SEC11A: variants seen among roughly 807,000 people sequenced by gnomAD.
The protein encoded by SEC11A is signal peptidase complex catalytic subunit SEC11A.
In SEC11A, 14 loss-of-function variants were observed where a neutral mutation model predicts 25.6. The ratio of observed to expected loss-of-function variants is 0.55; its 90% CI spans 0.36 to 0.85. SEC11A has a LOEUF of 0.85. Among genes scored for constraint, SEC11A ranks in the 40% least tolerant of loss-of-function variants. The pLI, the probability that SEC11A is intolerant of heterozygous loss-of-function variation, is 0.01. For missense variants in SEC11A, 153 were observed against 222.9 expected (o/e 0.69, Z 2.00); for synonymous variants, 83 against 76.4 (o/e 1.09, Z -0.45).
At chr15:84,707,225 C>T (rs891056679) in intron 1 of SEC11A, among the ~76,000 whole-genome samples, 4 of 124,552 alleles carry the variant, frequency 3.2e-5, no homozygotes, top group African/African-American at 9.5e-5. Flanking sequence ...CTTGCTCTGT[C>T]GCCAGCCTGG....
chr15:84,673,119 T>C (rs1029931347), intron 4 of SEC11A: 11 of 163,230 alleles, frequency 6.7e-5, no homozygotes, highest in Non-Finnish European at 9.0e-5. Flanking sequence ...AGCCACCCCG[T>C]CCGGGAGGGA....
chr15:84,692,011 ACTTTTT>A (rs1224361779), intron 1 of SEC11A: 2 of 142,910 alleles, frequency 1.4e-5, no homozygotes, highest in African/African-American at 5.4e-5. Context: ...CTCCTCTATT[ACTTTTT>A]CTTTTTCTTT....
At chr15:84,683,945 A>G (rs1017388353) in intron 3 of SEC11A, among the ~76,000 whole-genome samples, 3 of 152,248 alleles carry the variant, frequency 2.0e-5, no homozygotes, top group South Asian at 4.1e-4. Context: ...ATTTAATATT[A>G]TCTACTTCTA....
chr15:84,710,183 AT>A (rs1191960446), intron 1 of SEC11A, among the ~76,000 whole-genome samples: 1 of 152,250 alleles, frequency 6.6e-6, no homozygotes, highest in East Asian at 1.9e-4. Flanking sequence ...GTGCTGAAAC[AT>A]TTTAAGAGAA....
At chr15:84,699,334 A>AC (rs1567041614) in intron 1 of SEC11A, among the ~76,000 whole-genome samples, 1 of 151,592 alleles carries the variant, frequency 6.6e-6, no homozygotes, top group African/African-American at 2.4e-5. Context: ...AAAAAAAAAA[A>AC]ACCAGGAAAC....
At chr15:84,678,456 G>A (rs1159743829) in intron 4 of SEC11A, among the ~76,000 whole-genome samples, 1 of 151,946 alleles carries the variant, frequency 6.6e-6, no homozygotes, top group African/African-American at 2.4e-5. Flanking sequence ...TAAAAAAGCT[G>A]GAAACAATCA....
At chr15:84,710,050 C>G (rs1314099497) in intron 1 of SEC11A, among the ~76,000 whole-genome samples, 1 of 152,060 alleles carries the variant, frequency 6.6e-6, no homozygotes. Flanking sequence ...GGTATTTTAA[C>G]TTTTGTAAAA....
At chr15:84,689,642 T>C (rs904879837) in intron 2 of SEC11A, among the ~76,000 whole-genome samples, 6 of 151,060 alleles carry the variant, frequency 4.0e-5, no homozygotes, top group African/African-American at 1.5e-4. Context: ...AAAATTTCAA[T>C]TGTCACCCAG....
At chr15:84,695,600 T>C (rs1017807140) in intron 1 of SEC11A, among the ~76,000 whole-genome samples, 2 of 152,196 alleles carry the variant, frequency 1.3e-5, no homozygotes, top group African/African-American at 2.4e-5. Flanking sequence ...CACTGCATTC[T>C]AGCCCAGGTG....
rs749734813 is a variant in SEC11A, at chr15:84,691,543, C to A, written c.153G>T (p.Val51=). 3 of 1,593,660 alleles carry A rather than the reference C, an allele frequency of 1.9e-6. No individual in the cohort carries two copies. The highest frequency in any genetic ancestry group is 2.6e-6 in the Non-Finnish European group (3 of 1,162,752). The part of the protein sequence containing the change: ...VITGSESPIV[V]VLSGSMEPAF... ...AAAGGAAAAACTGTTACCTGAGCAC[C>A]ACTACAATCGGACTTTCACTTCCAG... is the stretch of plus-strand genomic sequence containing the variant. Residue 51 remains valine (V), a synonymous_variant, in exon 2 of 6, where the codon GTG becomes GTT. Transcript: ENST00000268220.
intron 1 of SEC11A, among the ~76,000 whole-genome samples, chr15:84,702,318 G>C (rs1897971407): frequency 2.0e-5 from 3 of 151,506 alleles, no homozygotes; most frequent in Admixed American, 6.6e-5. Context: ...AAAATTAGCT[G>C]GGCGTGGTGG....
In SEC11A at chr15:84,672,689, G is replaced by A. The variant is rs549530946; in HGVS notation, c.432-1907C>T. ...GCAGCCTCTGCCCGGCCGCCACCCC[G>A]TCTGGGAAGTGAGGAGCGTCTCTGC... is the stretch of plus-strand genomic sequence containing the variant. On this transcript the variant is annotated intron_variant, in intron 4 of 5. Transcript: ENST00000268220. 18 of 189,628 alleles carry A rather than the reference G, an allele frequency of 9.5e-5. No individual in the cohort carries two copies. The South Asian group carries it at 1.1e-3, about 12-fold the overall frequency. 11.7% of individuals were successfully genotyped at this position (189,628 alleles called of 1,614,324 possible).
intron 1 of SEC11A, among the ~76,000 whole-genome samples, chr15:84,715,146 G>C (rs777040459): frequency 6.6e-6 from 1 of 151,988 alleles, no homozygotes; most frequent in Admixed American, 6.6e-5. Context: ...TACAAAAAAT[G>C]CAAGTCCAAG....
chr15:84,693,567 C>T (rs888193673), intron 1 of SEC11A, among the ~76,000 whole-genome samples: 1 of 151,368 alleles, frequency 6.6e-6, no homozygotes, highest in Middle Eastern at 3.4e-3. Flanking sequence ...AAGTGATTCT[C>T]GTGCCATAGC....
intron 1 of SEC11A, 195 bp from the exon 2 acceptor site, chr15:84,691,839 T>G: frequency 4.9e-6 from 2 of 407,058 alleles, no homozygotes; most frequent in Non-Finnish European, 8.8e-6. Flanking sequence ...CAAAGCACCC[T>G]GCTCCATTTT....
intron 1 of SEC11A, among the ~76,000 whole-genome samples, chr15:84,697,046 T>TAA (rs1440246977): frequency 1.1e-4 from 2 of 18,056 alleles, no homozygotes; most frequent in African/African-American, 3.8e-4. Context: ...ATTTAAAAAT[T>TAA]AAGAAAAAAA....
chr15:84,672,085 C>T (rs1896998172), intron 4 of SEC11A: 1 of 152,574 alleles, frequency 6.6e-6, no homozygotes, highest in Non-Finnish European at 1.5e-5. Flanking sequence ...TTAAAACAGC[C>T]CAGACCATGC....
At chr15:84,696,776 C>T (rs1897779680) in intron 1 of SEC11A, among the ~76,000 whole-genome samples, 1 of 151,974 alleles carries the variant, frequency 6.6e-6, no homozygotes, top group African/African-American at 2.4e-5. Context: ...AACAAAAACC[C>T]ACAGTTCACG....
intron 1 of SEC11A, among the ~76,000 whole-genome samples, chr15:84,700,298 A>C (rs566593277): frequency 2.0e-5 from 3 of 151,850 alleles, no homozygotes; most frequent in Non-Finnish European, 4.4e-5. Flanking sequence ...TTATAGGATT[A>C]GTAGAAAGGG....
Sources: allele counts gnomAD v4.1 joint callset (sites outside exome capture counted in the v4.1 genomes callset), GRCh38; gene constraint gnomAD v4.1.1; transcripts MANE v1.5; gene names NCBI Gene and HGNC (gene_info 2026-07-23, HGNC 2026-07-21).